CCDC63: variants seen among roughly 807,000 people sequenced by gnomAD.
CCDC63 encodes the protein coiled-coil domain-containing protein 63.
In CCDC63, 54 loss-of-function variants were observed where a neutral mutation model predicts 63.6. That is an observed-to-expected ratio of 0.85 (90% CI 0.68 to 1.07). CCDC63 has a LOEUF of 1.07. Among genes scored for constraint, CCDC63 ranks in the 50% least tolerant of loss-of-function variants. The pLI, the probability that CCDC63 is intolerant of heterozygous loss-of-function variation, is 0.00. For missense variants in CCDC63, 637 were observed against 689.6 expected (o/e 0.92, Z 0.86); for synonymous variants, 253 against 266.1 (o/e 0.95, Z 0.48).
Position 110,889,764 on chromosome 12 carries a change from G to A in CCDC63, c.1075-3312G>A, listed in dbSNP as rs2071333438. On this transcript the variant is annotated intron_variant, in intron 8 of 11. Coordinates refer to ENST00000308208, the MANE Select transcript of CCDC63 (RefSeq NM_152591.3). The surrounding 1 kb of genome is among the most constrained non-coding windows in gnomAD (Gnocchi z 4.1). Reference sequence around the variant, plus strand: ...TTGCAAAATAGTAAAAAGTCTCAATGTGAATCCCATCACCTGGATATGGCA... The same window carrying A: ...TTGCAAAATAGTAAAAAGTCTCAATATGAATCCCATCACCTGGATATGGCA... 2.6e-5 allele frequency among the ~76,000 whole-genome samples: 4 copies of A among 152,178 alleles called. No homozygotes were observed. Among genetic ancestry groups the A allele is most frequent in the African/African-American group, 4.8e-5 (2 of 41,432 alleles).
chr12:110,876,719 A>G (rs1221710516), intron 5 of CCDC63, among the ~76,000 whole-genome samples: 1 of 152,024 alleles, frequency 6.6e-6, no homozygotes, highest in Admixed American at 6.6e-5. Flanking sequence ...TCTTTTAAAA[A>G]AACTTAAAAA....
At chr12:110,886,713 G>A (rs1456577377) in intron 8 of CCDC63, among the ~76,000 whole-genome samples, 1 of 152,088 alleles carries the variant, frequency 6.6e-6, no homozygotes, top group East Asian at 1.9e-4. Flanking sequence ...CAAGCACAAG[G>A]AAGCCCATTG....
chr12:110,902,519 C>A (rs1016499647), intron 10 of CCDC63, among the ~76,000 whole-genome samples: 2 of 152,028 alleles, frequency 1.3e-5, no homozygotes, highest in Admixed American at 6.6e-5. Context: ...GTTTCATTGT[C>A]CTCCCTGCAC....
chr12:110,852,644 A>C (rs558879824), intron 1 of CCDC63, among the ~76,000 whole-genome samples: 1 of 152,236 alleles, frequency 6.6e-6, no homozygotes, highest in Admixed American at 6.5e-5. Context: ...CCAGCTCCTA[A>C]TAATAAATGG....
intron 5 of CCDC63, among the ~76,000 whole-genome samples, chr12:110,876,699 C>G (rs922799896): frequency 6.6e-6 from 1 of 151,736 alleles, no homozygotes; most frequent in African/African-American, 2.4e-5. Flanking sequence ...TATGGGAGCA[C>G]TTTACGTGGT....
At chr12:110,891,488 A>G (rs1012786141) in intron 8 of CCDC63, among the ~76,000 whole-genome samples, 2 of 151,960 alleles carry the variant, frequency 1.3e-5, no homozygotes, top group African/African-American at 4.8e-5. Context: ...CCGTGTCTAC[A>G]GAAAAATTTT....
At chr12:110,867,516 C>T (rs1229698296) in intron 4 of CCDC63, among the ~76,000 whole-genome samples, 1 of 109,710 alleles carries the variant, frequency 9.1e-6, no homozygotes, top group Non-Finnish European at 1.9e-5. Flanking sequence ...GGCGGCTGGC[C>T]GGGCGGGGGG....
chr12:110,890,066 G>C (rs551166779), intron 8 of CCDC63, among the ~76,000 whole-genome samples: 1 of 152,042 alleles, frequency 6.6e-6, no homozygotes, highest in African/African-American at 2.4e-5. Flanking sequence ...GCCGAGGTGG[G>C]CGGATCACTT....
At chr12:110,899,213 G>A (rs2071454280) in intron 10 of CCDC63, 88 bp downstream of exon 10, 3 of 1,226,076 alleles carry the variant, frequency 2.4e-6, no homozygotes, top group South Asian at 3.2e-5. Context: ...TTATGGAGTA[G>A]TGAGCTTTGT....
intron 5 of CCDC63, among the ~76,000 whole-genome samples, chr12:110,874,560 CAT>C (rs2071107573): frequency 6.6e-6 from 1 of 152,232 alleles, no homozygotes; most frequent in African/African-American, 2.4e-5. Flanking sequence ...GTGCTCCATA[CAT>C]GTCTTTAGGA....
rs2071176854 is a variant in CCDC63 at position 110,879,989 on chromosome 12, T to C, written c.573T>C (p.Ala191=). The C allele has an allele frequency of 6.2e-7, 1 of 1,614,204 alleles. No homozygotes were observed. Among genetic ancestry groups the C allele is most frequent in the South Asian group, 1.1e-5 (1 of 91,076 alleles). ...EIEDLRFEKA[A]YDNVYQQLQH... is the part of the protein sequence containing the mutation. ...AAGACCTACGATTTGAGAAGGCTGC[T>C]TATGACAATGTCTACCAGCAGCTCC... Residue 191 remains alanine (A), a synonymous_variant, in exon 6 of 12, where the codon GCT becomes GCC. Transcript: ENST00000308208.
intron 5 of CCDC63, among the ~76,000 whole-genome samples, chr12:110,876,916 C>T (rs985118063): frequency 9.3e-5 from 14 of 150,388 alleles, no homozygotes; most frequent in African/African-American, 2.7e-4. Flanking sequence ...TTGTGGCCTG[C>T]ACCTGTAGTC....
intron 7 of CCDC63, 78 bp from the exon 8 acceptor site, chr12:110,883,952 A>G (rs2071242587): frequency 3.6e-6 from 4 of 1,125,306 alleles, no homozygotes; most frequent in Non-Finnish European, 5.4e-6. Context: ...AATAATATTG[A>G]TCACGTTACT....
At chr12:110,893,915 T>C (rs527569176) in intron 9 of CCDC63, among the ~76,000 whole-genome samples, 1 of 151,700 alleles carries the variant, frequency 6.6e-6, no homozygotes, top group South Asian at 2.1e-4. Flanking sequence ...GGAGAATTGC[T>C]TAAGCCTGGG....
intron 4 of CCDC63, among the ~76,000 whole-genome samples, chr12:110,867,378 GGGCGGCT>G (rs1215003934): frequency 7.8e-6 from 1 of 128,920 alleles, no homozygotes; most frequent in Non-Finnish European, 1.7e-5. Context: ...CTCCCGGACA[GGGCGGCT>G]GGCCGGGCGG....
chr12:110,886,848 C>T (rs184989781), intron 8 of CCDC63, among the ~76,000 whole-genome samples: 3 of 152,282 alleles, frequency 2.0e-5, no homozygotes, highest in Non-Finnish European at 2.9e-5. Context: ...GGAAGGAGGT[C>T]TTCCTGGACA....
chr12:110,898,449 AC>A (rs2071440968), intron 9 of CCDC63, among the ~76,000 whole-genome samples: 1 of 139,972 alleles, frequency 7.1e-6, no homozygotes, highest in Non-Finnish European at 1.6e-5. Context: ...TACTAAAAAT[AC>A]AAAAAAAAAA....
intron 6 of CCDC63, among the ~76,000 whole-genome samples, chr12:110,880,803 A>AGGG (rs2071194540): frequency 7.0e-4 from 6 of 8,556 alleles, no homozygotes; most frequent in South Asian, 3.9e-3. Context: ...GATGGTGACA[A>AGGG]TGATGATGGT....
intron 9 of CCDC63, 47 bp from the exon 10 acceptor site, chr12:110,898,886 C>G: frequency 6.8e-7 from 1 of 1,468,552 alleles, no homozygotes; most frequent in Non-Finnish European, 9.1e-7. Context: ...AACACCCTGC[C>G]CACTGAAAGT....
Sources: allele counts gnomAD v4.1 joint callset (sites outside exome capture counted in the v4.1 genomes callset), GRCh38; gene constraint gnomAD v4.1.1; non-coding constraint Gnocchi (gnomAD v3.1); transcripts MANE v1.5; gene names NCBI Gene and HGNC (gene_info 2026-07-23, HGNC 2026-07-21).